The following MAD1L1 variants were observed in gnomAD, a reference collection of about 807,000 sequenced individuals.
MAD1L1 encodes mitotic spindle assembly checkpoint protein MAD1.
MAD1L1 carries 95 observed loss-of-function variants against 96.9 expected under a neutral mutation model. That is an observed-to-expected ratio of 0.98 (90% CI 0.83 to 1.16). The LOEUF (loss-of-function observed/expected upper bound fraction) is 1.16. Among genes scored for constraint, MAD1L1 ranks in the 50% most tolerant of loss-of-function variants. The pLI is 0.00. For synonymous variants in MAD1L1, 473 were observed against 396.6 expected (o/e 1.19, Z -2.29); for missense variants, 1,007 against 954.4 (o/e 1.06, Z -0.73).
At chr7:2,043,863 G>T (rs1435277337) in intron 12 of MAD1L1, among the ~76,000 whole-genome samples, 1 of 152,250 alleles carries the variant, frequency 6.6e-6, no homozygotes, top group Non-Finnish European at 1.5e-5. Context: ...AACAGGGCCA[G>T]GGAGGGCCGG....
chr7:1,935,258 C>G (rs1778524638), intron 17 of MAD1L1, among the ~76,000 whole-genome samples: 1 of 152,248 alleles, frequency 6.6e-6, no homozygotes. Flanking sequence ...CACGGCTGGA[C>G]CAGAAAGGGG....
intron 11 of MAD1L1, among the ~76,000 whole-genome samples, chr7:2,079,030 C>A (rs1045132591): frequency 3.3e-5 from 5 of 152,120 alleles, no homozygotes; most frequent in Non-Finnish European, 7.3e-5. Flanking sequence ...CAGAAGAGGG[C>A]AAGTGCAGGG....
At chr7:2,190,312 G>A (rs536573354) in intron 10 of MAD1L1, among the ~76,000 whole-genome samples, 25 of 152,290 alleles carry the variant, frequency 1.6e-4, no homozygotes, top group African/African-American at 5.8e-4. Context: ...ACAGACATAC[G>A]TATTGTGGGG....
chr7:2,113,422 A>C (rs1332889345), intron 11 of MAD1L1, among the ~76,000 whole-genome samples: 2 of 152,122 alleles, frequency 1.3e-5, no homozygotes, highest in Non-Finnish European at 2.9e-5. Flanking sequence ...TCTACTAAAA[A>C]TACAAAAATT....
intron 12 of MAD1L1, among the ~76,000 whole-genome samples, chr7:2,059,507 C>T (rs1351837365): frequency 4.4e-5 from 6 of 135,842 alleles, no homozygotes; most frequent in South Asian, 2.4e-4. Context: ...AGGAAAGGTG[C>T]GGGGCTGGAA....
intron 10 of MAD1L1, among the ~76,000 whole-genome samples, chr7:2,205,223 A>T (rs1274748983): frequency 2.6e-5 from 4 of 151,272 alleles, no homozygotes; most frequent in African/African-American, 9.7e-5. Flanking sequence ...TGGCATTGCT[A>T]CAGGGGCCTG....
chr7:2,227,742 A>AGCAG (rs1490422077), intron 3 of MAD1L1, among the ~76,000 whole-genome samples: 1 of 152,168 alleles, frequency 6.6e-6, no homozygotes, highest in East Asian at 1.9e-4. Flanking sequence ...CTTCAAACTC[A>AGCAG]GCAGCCTTCC....
Position 2,124,036 on chromosome 7 carries a change from C to G in MAD1L1, c.1073+25116G>C, listed in dbSNP as rs76106608. Among the ~76,000 whole-genome samples, 641 of 152,360 alleles carry G rather than the reference C, an allele frequency of 4.2e-3. 7 individuals are homozygous for G. Among genetic ancestry groups the G allele is most frequent in the African/African-American group, 0.015 (606 of 41,578 alleles). On this transcript the variant is annotated intron_variant, in intron 11 of 18. Coordinates refer to ENST00000265854, the MANE Select transcript of MAD1L1 (RefSeq NM_001013836.2). ...AGCCCCCTGTAGCCAGGTCAGGCTC[C>G]TCCTCTAGACGGGGAAGCCGGGCAA...
chr7:2,225,260 ATCTGATTTCTTAAGACCT>A, intron 4 of MAD1L1, 132 bp downstream of exon 4: 1 of 226,164 alleles, frequency 4.4e-6, no homozygotes, highest in Non-Finnish European at 7.5e-6. Context: ...AGGGACTGGG[ATCTGATTTCTTAAGACCT>A]GGCAGGTACC....
At chr7:2,100,515 G>C (rs544016023) in intron 11 of MAD1L1, among the ~76,000 whole-genome samples, 146 of 152,358 alleles carry the variant, frequency 9.6e-4, no homozygotes, top group African/African-American at 3.1e-3. Context: ...CGGCGCGTCT[G>C]CCTCGTCCTG....
intron 10 of MAD1L1, among the ~76,000 whole-genome samples, chr7:2,182,798 G>A (rs913863232): frequency 6.6e-6 from 1 of 152,218 alleles, no homozygotes. Context: ...CCAGGGGCTG[G>A]GGAAAGGAGA....
chr7:1,997,817 C>A (rs544652931), intron 14 of MAD1L1, among the ~76,000 whole-genome samples: 6 of 152,234 alleles, frequency 3.9e-5, no homozygotes, highest in Non-Finnish European at 7.3e-5. Context: ...CTCCCCAGGA[C>A]CTCCTCTGAA....
At chr7:1,884,127 G>A (rs1024024889) in intron 18 of MAD1L1, among the ~76,000 whole-genome samples, 5 of 152,248 alleles carry the variant, frequency 3.3e-5, no homozygotes, top group African/African-American at 9.6e-5. Flanking sequence ...CAGAGTTGGC[G>A]GCTGGGCCAG....
chr7:1,869,673 G>A (rs549586556), intron 18 of MAD1L1, among the ~76,000 whole-genome samples: 1 of 152,316 alleles, frequency 6.6e-6, no homozygotes, highest in Non-Finnish European at 1.5e-5. Context: ...GCCTGCGTCG[G>A]TAATGAGCTA....
intron 18 of MAD1L1, among the ~76,000 whole-genome samples, chr7:1,887,391 A>G (rs1309761188): frequency 3.5e-5 from 5 of 142,262 alleles, no homozygotes; most frequent in African/African-American, 8.1e-5. Flanking sequence ...GTGTACATGC[A>G]TGTATGTGGC....
At chr7:2,123,565 G>A (rs1788083212) in intron 11 of MAD1L1, among the ~76,000 whole-genome samples, 1 of 152,152 alleles carries the variant, frequency 6.6e-6, no homozygotes, top group Non-Finnish European at 1.5e-5. Context: ...TCCACCCAGG[G>A]AGCACCCAGG....
intron 11 of MAD1L1, among the ~76,000 whole-genome samples, chr7:2,077,537 G>A (rs1584264827): frequency 6.6e-6 from 1 of 152,194 alleles, no homozygotes; most frequent in Non-Finnish European, 1.5e-5. Context: ...CAGGTGACAC[G>A]TTCCATGTGT....
At chr7:1,912,243 C>A (rs1788065434) in intron 17 of MAD1L1, among the ~76,000 whole-genome samples, 1 of 152,224 alleles carries the variant, frequency 6.6e-6, no homozygotes, top group African/African-American at 2.4e-5. Context: ...GCCCTGTCGA[C>A]TGGATGAAGG....
intron 18 of MAD1L1, among the ~76,000 whole-genome samples, chr7:1,864,923 C>T (rs1784709135): frequency 6.6e-6 from 1 of 152,204 alleles, no homozygotes; most frequent in Admixed American, 6.5e-5. Flanking sequence ...CTGCAGCCAG[C>T]AGAATCCTGT....
Sources: allele counts gnomAD v4.1 joint callset (sites outside exome capture counted in the v4.1 genomes callset), GRCh38; gene constraint gnomAD v4.1.1; transcripts MANE v1.5; gene names NCBI Gene and HGNC (gene_info 2026-07-23, HGNC 2026-07-21).